The following KCNMA1 variants were observed in gnomAD, a reference collection of about 807,000 sequenced individuals.
The protein encoded by KCNMA1 is Calcium-activated potassium channel subunit alpha-1.
In KCNMA1, 29 loss-of-function variants were observed where a neutral mutation model predicts 140.0. The ratio of observed to expected loss-of-function variants is 0.21; its 90% CI spans 0.15 to 0.28. KCNMA1 has a LOEUF of 0.28. Ranked by LOEUF, KCNMA1 falls within the 10% of genes least tolerant of loss-of-function variation. The probability of loss-of-function intolerance (pLI) is 1.00; values close to 1 mark genes in which losing one functional copy is unlikely to be tolerated. For synonymous variants in KCNMA1, 612 were observed against 611.9 expected (o/e 1.00, Z 0.00); for missense variants, 880 against 1,602.2 (o/e 0.55, Z 7.70).
Position 77,506,571 on chromosome 10 carries a change from T to TAGAG in KCNMA1, c.379-102552_379-102549dup, listed in dbSNP as rs72516981. 2.8e-3 allele frequency among the ~76,000 whole-genome samples: 222 copies of TAGAG among 78,004 alleles called. 4 individuals are homozygous for TAGAG. Among genetic ancestry groups the TAGAG allele is most frequent in the East Asian group, 7.1e-3 (15 of 2,108 alleles). 51.2% of individuals were successfully genotyped at this position (78,004 alleles called of 152,430 possible). A position where few individuals can be genotyped will look rare whatever the true frequency, so the allele number is the denominator to read the frequency against. ...GGAGAGAGGGAAAGAGAGATGTTCC[T>TAGAG]AGAGAGAGAGAGAGAGAGAGAGAGA... On this transcript the variant is annotated intron_variant, in intron 1 of 27. Transcript: ENST00000286628.
At chr10:77,036,942 T>A (rs1223953795) in intron 15 of KCNMA1, among the ~76,000 whole-genome samples, 1 of 152,248 alleles carries the variant, frequency 6.6e-6, no homozygotes, top group Non-Finnish European at 1.5e-5. Context: ...TTATTGATCA[T>A]TTCTACCTCT....
At chr10:76,959,952 G>T (rs1340856558) in intron 20 of KCNMA1, among the ~76,000 whole-genome samples, 1 of 152,236 alleles carries the variant, frequency 6.6e-6, no homozygotes, top group East Asian at 1.9e-4. Context: ...CAGCCAGTGA[G>T]AGGAGAGGCA....
intron 16 of KCNMA1, among the ~76,000 whole-genome samples, chr10:77,024,137 G>A (rs1198362949): frequency 6.6e-6 from 1 of 152,076 alleles, no homozygotes; most frequent in African/African-American, 2.4e-5. Flanking sequence ...TCATTTTCTG[G>A]TATACTTAGG....
At position 76,886,840 on chromosome 10, in the gene KCNMA1, AAAC is replaced by A. The variant is rs879619415; in HGVS notation, c.*423_*425del. ...TGTGTATAAAAAAAGAAAGAAAGGA[AAAC>A]AACAACAACAACAAAATCAAAACCC... is the stretch of plus-strand genomic sequence containing the variant. On this transcript the variant is annotated 3_prime_UTR_variant, in exon 28 of 28. Coordinates refer to ENST00000286628, the MANE Select transcript of KCNMA1 (RefSeq NM_001161352.2). 2.0e-4 allele frequency: 220 copies of A among 1,077,122 alleles called. No individual in the cohort carries two copies. Among genetic ancestry groups the A allele is most frequent in the East Asian group, 3.7e-4 (5 of 13,574 alleles). The allele number at this position is 1,077,122 out of a possible 1,614,324, so 66.7% of individuals were successfully genotyped here. A position where few individuals can be genotyped will look rare whatever the true frequency, so the allele number is the denominator to read the frequency against.
intron 3 of KCNMA1, among the ~76,000 whole-genome samples, chr10:77,205,413 A>G (rs767176551): frequency 6.6e-6 from 1 of 152,190 alleles, no homozygotes; most frequent in African/African-American, 2.4e-5. Flanking sequence ...TTCAAGCAAC[A>G]ATGGAAAAAG....
chr10:77,391,624 GTT>G (rs1223974638), intron 2 of KCNMA1, among the ~76,000 whole-genome samples: 2 of 151,512 alleles, frequency 1.3e-5, no homozygotes, highest in Non-Finnish European at 2.9e-5. Context: ...TTGTTTGTTT[GTT>G]TGTTTGTTTG....
At chr10:77,136,264 G>T (rs1343273510) in intron 5 of KCNMA1, among the ~76,000 whole-genome samples, 1 of 152,098 alleles carries the variant, frequency 6.6e-6, no homozygotes, top group Non-Finnish European at 1.5e-5. Flanking sequence ...TCCAAAAATA[G>T]GTCTTACGTC....
chr10:77,520,512 C>CT (rs2052996139), intron 1 of KCNMA1, among the ~76,000 whole-genome samples: 1 of 152,128 alleles, frequency 6.6e-6, no homozygotes, highest in South Asian at 2.1e-4. Flanking sequence ...GCAGCACTCT[C>CT]TAAGTATTAG....
At chr10:77,357,511 T>G (rs1053625295) in intron 2 of KCNMA1, among the ~76,000 whole-genome samples, 3 of 152,254 alleles carry the variant, frequency 2.0e-5, no homozygotes, top group Non-Finnish European at 2.9e-5. Flanking sequence ...CATTCAGCAC[T>G]TTTTATCTTC....
intron 1 of KCNMA1, among the ~76,000 whole-genome samples, chr10:77,450,111 A>G (rs1329524705): frequency 6.6e-6 from 1 of 152,120 alleles, no homozygotes; most frequent in Non-Finnish European, 1.5e-5. Flanking sequence ...GACACAGTGC[A>G]GTGGCACGAT....
intron 19 of KCNMA1, chr10:76,980,090 G>A (rs1907724): frequency 0.76 from 115,341 of 152,006 alleles, 43,986 homozygotes; most frequent in East Asian, 0.98. Context: ...GTGTATGGTG[G>A]GCCTTTCTGG....
At chr10:77,424,207 T>G (rs1315491878) in intron 1 of KCNMA1, among the ~76,000 whole-genome samples, 1 of 152,274 alleles carries the variant, frequency 6.6e-6, no homozygotes, top group Admixed American at 6.5e-5. Context: ...TAATTATAAG[T>G]GCTTTGCAGC....
At chr10:77,418,742 C>T (rs372850072) in intron 1 of KCNMA1, among the ~76,000 whole-genome samples, 1 of 152,198 alleles carries the variant, frequency 6.6e-6, no homozygotes, top group East Asian at 1.9e-4. Flanking sequence ...CCCTCTTTCC[C>T]CCAACTTTCT....
At chr10:77,011,136 A>G (rs1039047104) in intron 18 of KCNMA1, among the ~76,000 whole-genome samples, 4 of 152,188 alleles carry the variant, frequency 2.6e-5, no homozygotes, top group African/African-American at 9.7e-5. Context: ...GAAGGATGGC[A>G]TCATTTTTTG....
intron 1 of KCNMA1, among the ~76,000 whole-genome samples, chr10:77,518,217 A>G (rs1397229878): frequency 6.6e-6 from 1 of 152,212 alleles, no homozygotes; most frequent in Non-Finnish European, 1.5e-5. Context: ...AGCCTGTTTC[A>G]TATTCTAAAA....
chr10:77,124,950 C>A (rs1245071723), intron 5 of KCNMA1, among the ~76,000 whole-genome samples: 2 of 152,148 alleles, frequency 1.3e-5, no homozygotes, highest in Non-Finnish European at 2.9e-5. Flanking sequence ...GAAGGGGAAG[C>A]AAACACATCC....
rs2098569095 is a variant in KCNMA1, at chr10:77,162,411, A to C, written c.808+21010T>G. On this transcript the variant is annotated intron_variant, in intron 5 of 27. Coordinates refer to ENST00000286628, the MANE Select transcript of KCNMA1 (RefSeq NM_001161352.2). ...TATTGGATTAAGACAGGCCAGAAAC[A>C]GTCAAACAAGAAAAGTATTATGCAA... 3.3e-5 allele frequency among the ~76,000 whole-genome samples: 5 copies of C among 152,250 alleles called. No homozygotes were observed. In the South Asian group the frequency reaches 1.0e-3, roughly 31 times the overall value.
chr10:77,255,154 G>A (rs2060457411), intron 2 of KCNMA1, among the ~76,000 whole-genome samples: 1 of 152,136 alleles, frequency 6.6e-6, no homozygotes, highest in African/African-American at 2.4e-5. Context: ...TGGAGATATT[G>A]AGTACTCGGT....
chr10:77,578,989 G>A (rs2075074617), intron 1 of KCNMA1, among the ~76,000 whole-genome samples: 1 of 152,210 alleles, frequency 6.6e-6, no homozygotes, highest in South Asian at 2.1e-4. Context: ...TCTGTGCTGA[G>A]CGCCCAGCTG....
Sources: allele counts gnomAD v4.1 joint callset (sites outside exome capture counted in the v4.1 genomes callset), GRCh38; gene constraint gnomAD v4.1.1; transcripts MANE v1.5; gene names NCBI Gene and HGNC (gene_info 2026-07-23, HGNC 2026-07-21).